The following FAM118A variants were observed in gnomAD, a reference collection of about 807,000 sequenced individuals.
The protein encoded by FAM118A is protein FAM118A.
In FAM118A, 25 loss-of-function variants were observed where a neutral mutation model predicts 38.2. The ratio of observed to expected loss-of-function variants is 0.65; its 90% confidence interval spans 0.48 to 0.91. FAM118A has a LOEUF of 0.91. FAM118A is among the 40% of genes least tolerant of loss of function. The pLI is 0.00. For missense variants in FAM118A, 425 were observed against 463.3 expected (o/e 0.92, Z 0.76); for synonymous variants, 178 against 184.1 (o/e 0.97, Z 0.27).
intron 1 of FAM118A, among the ~76,000 whole-genome samples, chr22:45,316,392 G>A (rs1335644879): frequency 1.3e-5 from 2 of 152,152 alleles, no homozygotes; most frequent in Non-Finnish European, 2.9e-5. Context: ...GCCTACGTGG[G>A]AACCTGATGG....
chr22:45,331,023 C>T (rs889136897), intron 5 of FAM118A, among the ~76,000 whole-genome samples: 10 of 152,270 alleles, frequency 6.6e-5, no homozygotes, highest in Non-Finnish European at 1.5e-4. Flanking sequence ...GAGCCCTGGC[C>T]ATTTGGTGGT....
intron 8 of FAM118A, chr22:45,337,887 T>TG (rs2086218365): frequency 1.0e-6 from 1 of 985,332 alleles, no homozygotes; most frequent in Admixed American, 6.2e-5. Context: ...TTCTCCGTTG[T>TG]GATTCCCCCG....
chr22:45,336,016 C>T (rs1425750362), intron 7 of FAM118A, among the ~76,000 whole-genome samples: 5 of 152,216 alleles, frequency 3.3e-5, no homozygotes, highest in African/African-American at 7.2e-5. Flanking sequence ...GATGGGAAAA[C>T]GCGCATCGAT....
intron 1 of FAM118A, among the ~76,000 whole-genome samples, chr22:45,313,150 G>C (rs1466968641): frequency 2.0e-5 from 3 of 151,992 alleles, no homozygotes; most frequent in Non-Finnish European, 2.9e-5. Flanking sequence ...GTAGTAAGAC[G>C]GGAAACAGGA....
chr22:45,327,549 C>T (rs1450397356), intron 3 of FAM118A, among the ~76,000 whole-genome samples: 2 of 152,170 alleles, frequency 1.3e-5, no homozygotes, highest in Non-Finnish European at 2.9e-5. Context: ...CCTCAGGCCC[C>T]TGTTCAGATG....
At chr22:45,336,198 G>A (rs1035102686) in intron 7 of FAM118A, 130 bp from the exon 8 acceptor site, 13 of 624,546 alleles carry the variant, frequency 2.1e-5, no homozygotes, top group South Asian at 2.1e-5. Context: ...AAGCCGTAGC[G>A]TGGTTGATGT....
chr22:45,310,615 G>A (rs1282001227), intron 1 of FAM118A, among the ~76,000 whole-genome samples: 2 of 152,116 alleles, frequency 1.3e-5, no homozygotes, highest in African/African-American at 4.8e-5. Flanking sequence ...TCAGGGCTAG[G>A]TTTCTCCAAC....
At chr22:45,320,704 C>G (rs1200116520) in intron 1 of FAM118A, among the ~76,000 whole-genome samples, 1 of 152,084 alleles carries the variant, frequency 6.6e-6, no homozygotes, top group East Asian at 1.9e-4. Flanking sequence ...TCCCAAAGTG[C>G]TGGGATTACA....
At chr22:45,334,203 T>A (rs569902988) in intron 6 of FAM118A, among the ~76,000 whole-genome samples, 1 of 152,332 alleles carries the variant, frequency 6.6e-6, no homozygotes, top group East Asian at 1.9e-4. Context: ...TTAAACTTGG[T>A]CATCTTGATA....
rs763827694 is a variant in FAM118A, at chr22:45,328,449, T to C, written c.522+386T>C. ...GTGGGGAGTTCTGTGCCCTGGGAGC[T>C]GCTCTCACTTTGTAGCAGTGAATTA... On this transcript the variant is annotated intron_variant, in intron 4 of 8. Transcript: ENST00000441876. 15 of 926,890 alleles carry C rather than the reference T, an allele frequency of 1.6e-5. No individual in the cohort carries two copies. In the African/African-American group the frequency reaches 2.1e-4, roughly 13 times the overall value. The allele number at this position is 926,890 out of a possible 1,614,324, so 57.4% of individuals were successfully genotyped here.
In FAM118A at chr22:45,340,575, CCT is replaced by C. The variant is rs1473844337; in HGVS notation, c.*171_*172del. On this transcript the variant is annotated 3_prime_UTR_variant, in exon 9 of 9. Transcript: ENST00000441876. ...CCTCAAGGCTGGGTGAGAGGGCTCC[CCT>C]GTGTGTTGAACTATGCAGGAGGGTG... 5.4e-6 allele frequency: 4 copies of C among 743,778 alleles called. No homozygotes were observed. Among genetic ancestry groups the C allele is most frequent in the African/African-American group, 3.5e-5 (2 of 56,800 alleles). The allele number at this position is 743,778 out of a possible 1,614,324, so 46.1% of individuals were successfully genotyped here. A position where few individuals can be genotyped will look rare whatever the true frequency, so the allele number is the denominator to read the frequency against.
intron 8 of FAM118A, among the ~76,000 whole-genome samples, chr22:45,339,131 T>G (rs2086302511): frequency 6.6e-6 from 1 of 152,206 alleles, no homozygotes; most frequent in Non-Finnish European, 1.5e-5. Context: ...TTGGCTGGGC[T>G]TAGTGGTTCA....
Position 45,332,508 on chromosome 22 carries a change from C to T in FAM118A, c.735C>T (p.Ala245=), listed in dbSNP as rs1601969258. ...GETLRDQIFQ[A]LFLYSVPNKV... is the part of the protein sequence containing the mutation. ...CCCTTCGTGATCAGATATTCCAGGC[C>T]CTCTTTCTTTACTCCGTGCCGAATA... is the stretch of plus-strand genomic sequence containing the variant. Residue 245 remains alanine, a synonymous_variant, in exon 6 of 9, where the codon GCC becomes GCT. Coordinates refer to ENST00000441876, the MANE Select transcript of FAM118A (RefSeq NM_017911.4). 6.2e-7 allele frequency: 1 copy of T among 1,614,128 alleles called. No homozygotes were observed. Among genetic ancestry groups the T allele is most frequent in the Non-Finnish European group, 8.5e-7 (1 of 1,180,022 alleles).
At chr22:45,329,889 G>A (rs1341452007) in intron 4 of FAM118A, 3 of 152,268 alleles carry the variant, frequency 2.0e-5, no homozygotes, top group Admixed American at 1.3e-4. Context: ...TGCGGGCTCC[G>A]GGGTGAAGAT....
intron 4 of FAM118A, chr22:45,328,640 A>AG (rs1316827224): frequency 1.9e-5 from 11 of 586,912 alleles, no homozygotes; most frequent in Admixed American, 6.0e-5. Flanking sequence ...CTTAAAAAAA[A>AG]AAAAGTAATA....
chr22:45,336,276 T>C, intron 7 of FAM118A, 52 bp from the exon 8 acceptor site: 1 of 1,468,554 alleles, frequency 6.8e-7, no homozygotes, highest in Non-Finnish European at 9.5e-7. Context: ...AACTGTGCCT[T>C]GGCGAGTGGA....
chr22:45,324,594 G>C (rs2085121619), intron 3 of FAM118A, among the ~76,000 whole-genome samples: 1 of 152,240 alleles, frequency 6.6e-6, no homozygotes, highest in African/African-American at 2.4e-5. Context: ...TCACAGGCCA[G>C]GGGTTGGAAA....
chr22:45,330,766 C>G, intron 5 of FAM118A, 35 bp downstream of exon 5: 1 of 1,487,678 alleles, frequency 6.7e-7, no homozygotes, highest in Non-Finnish European at 8.9e-7. Context: ...GGTGCGTCCT[C>G]TCAGGGATTA....
intron 1 of FAM118A, among the ~76,000 whole-genome samples, chr22:45,318,080 A>C (rs905353663): frequency 6.6e-6 from 1 of 152,178 alleles, no homozygotes; most frequent in Admixed American, 6.5e-5. Flanking sequence ...TGTATTTTGC[A>C]TTGAACTCCG....
Sources: allele counts gnomAD v4.1 joint callset (sites outside exome capture counted in the v4.1 genomes callset), GRCh38; gene constraint gnomAD v4.1.1; transcripts MANE v1.5; gene names NCBI Gene and HGNC (gene_info 2026-07-23, HGNC 2026-07-21).